The following TNFRSF8 variants were observed in gnomAD, a reference collection of about 807,000 sequenced individuals.
TNFRSF8 encodes tumor necrosis factor receptor superfamily member 8.
In TNFRSF8, 26 loss-of-function variants were observed where a neutral mutation model predicts 70.8. The ratio of observed to expected loss-of-function variants is 0.37; its 90% CI spans 0.27 to 0.51. TNFRSF8 has a LOEUF of 0.51. Ranked by LOEUF, TNFRSF8 falls within the 20% of genes least tolerant of loss-of-function variation. TNFRSF8 has a pLI of 0.94. For missense variants in TNFRSF8, 720 were observed against 807.9 expected (o/e 0.89, Z 1.32); for synonymous variants, 356 against 339.2 (o/e 1.05, Z -0.54).
At chr1:12,135,368 CT>C (rs1642126620) in intron 12 of TNFRSF8, among the ~76,000 whole-genome samples, 1 of 151,618 alleles carries the variant, frequency 6.6e-6, no homozygotes, top group African/African-American at 2.4e-5. Flanking sequence ...AGGTGGTCCC[CT>C]GTCCTCCATC....
intron 14 of TNFRSF8, among the ~76,000 whole-genome samples, chr1:12,139,427 G>A (rs1310266903): frequency 6.6e-6 from 1 of 152,106 alleles, no homozygotes; most frequent in Non-Finnish European, 1.5e-5. Context: ...TGGATATCCT[G>A]GGGACCCTGC....
chr1:12,126,340 G>A (rs11569916), intron 12 of TNFRSF8, 104 bp downstream of exon 12: 17 of 1,339,930 alleles, frequency 1.3e-5, no homozygotes, highest in African/African-American at 4.3e-5. Flanking sequence ...CCCCAGCCTC[G>A]AAGCTCCCTG....
chr1:12,142,196 C>G lies in TNFRSF8; in HGVS notation c.1544-91C>G, dbSNP rs981242844. 1.4e-6 allele frequency: 2 copies of G among 1,461,360 alleles called. No homozygotes were observed. The highest frequency in any genetic ancestry group is 1.8e-6 in the Non-Finnish European group (2 of 1,100,514). 90.5% of individuals were successfully genotyped at this position (1,461,360 alleles called of 1,614,324 possible). A position where few individuals can be genotyped will look rare whatever the true frequency, so the allele number is the denominator to read the frequency against. The stretch of plus-strand genomic sequence containing the variant: ...GCCTGAAGCCACCCGGCAGGTGTAC[C>G]AGCACTGGGCCTCGGCCCTTCTCTG... On this transcript the variant is annotated intron_variant, in intron 14 of 14. Transcript: ENST00000263932. This position sits in a 1 kb window ranked among gnomAD's most constrained non-coding sequence, Gnocchi z 5.0.
At chr1:12,140,380 A>G (rs192844154) in intron 14 of TNFRSF8, among the ~76,000 whole-genome samples, 50 of 152,298 alleles carry the variant, frequency 3.3e-4, no homozygotes, top group Middle Eastern at 3.4e-3. Flanking sequence ...GGGTCTGTAC[A>G]TCGTCCCTCT....
intron 1 of TNFRSF8, among the ~76,000 whole-genome samples, chr1:12,081,451 C>T (rs1202357129): frequency 6.6e-6 from 1 of 152,088 alleles, no homozygotes; most frequent in Non-Finnish European, 1.5e-5. Context: ...TGGCAGGTTC[C>T]TGCCCCCCTG....
rs771281321 is a variant in TNFRSF8 at position 12,138,442 on chromosome 1, T to C, written c.1543+6T>C. On this transcript the variant is annotated splice_donor_region_variant and intron_variant, in intron 14 of 14. Transcript: ENST00000263932. This position sits in a 1 kb window ranked among gnomAD's most constrained non-coding sequence, Gnocchi z 5.7. ...GCACACCAATAACAAGATTGGTGAG[T>C]CAGCCTGTTTTGGGAGGTCCCCTGC... 98 of 1,606,982 alleles carry C rather than the reference T, an allele frequency of 6.1e-5. No homozygotes were observed. The highest frequency in any genetic ancestry group is 1.0e-4 in the Admixed American group (6 of 59,610).
intron 1 of TNFRSF8, among the ~76,000 whole-genome samples, chr1:12,081,160 AG>A (rs1425383072): frequency 3.9e-5 from 6 of 152,136 alleles, no homozygotes; most frequent in African/African-American, 1.4e-4. Flanking sequence ...CCATTGACCC[AG>A]GTGTGATGGC....
At chr1:12,071,237 G>C (rs1025465007) in intron 1 of TNFRSF8, among the ~76,000 whole-genome samples, 1 of 152,150 alleles carries the variant, frequency 6.6e-6, no homozygotes, top group African/African-American at 2.4e-5. Context: ...CCAGGAGTTT[G>C]AGACCAGCCT....
At position 12,088,232 on chromosome 1, in the gene TNFRSF8, G is replaced by A. The variant is rs377645495; in HGVS notation, c.151+3681G>A. Among the ~76,000 whole-genome samples, 9 of 152,162 alleles carry A rather than the reference G, an allele frequency of 5.9e-5. No homozygotes were observed. The highest frequency in any genetic ancestry group is 1.9e-4 in the African/African-American group (8 of 41,424). On this transcript the variant is annotated intron_variant, in intron 2 of 14. Coordinates refer to ENST00000263932, the MANE Select transcript of TNFRSF8 (RefSeq NM_001243.5). The surrounding 1 kb of genome is among the most constrained non-coding windows in gnomAD (Gnocchi z 4.0). ...AGCCCTTTGCTTACATACTCTTGGT[G>A]ACGGGGAGCTCATTCACTGACTCAT...
chr1:12,086,312 G>A (rs1641151928), intron 2 of TNFRSF8, among the ~76,000 whole-genome samples: 1 of 152,232 alleles, frequency 6.6e-6, no homozygotes, highest in Admixed American at 6.5e-5. Context: ...ATGATTCAAA[G>A]TATTCATTGT....
At chr1:12,136,870 C>CTTTTTTTTTTTTTTTTTTTTT (rs201470263) in intron 13 of TNFRSF8, among the ~76,000 whole-genome samples, 1 of 118,692 alleles carries the variant, frequency 8.4e-6, no homozygotes, top group Non-Finnish European at 1.8e-5. Context: ...ATACTCAGTT[C>CTTTTTTTTTTTTTTTTTTTTT]TTTTTTTTTT....
chr1:12,135,377 A>C (rs1570084161), intron 12 of TNFRSF8, among the ~76,000 whole-genome samples: 1 of 149,672 alleles, frequency 6.7e-6, no homozygotes, highest in African/African-American at 2.5e-5. Context: ...CCTGTCCTCC[A>C]TCTGCCACTG....
Position 12,090,263 on chromosome 1 carries a change from A to G in TNFRSF8, c.151+5712A>G, listed in dbSNP as rs565187067. 2.1e-5 allele frequency among the ~76,000 whole-genome samples: 3 copies of G among 144,736 alleles called. No individual in the cohort carries two copies. In the East Asian group the frequency reaches 6.4e-4, roughly 31 times the overall value. 95.0% of individuals were successfully genotyped at this position (144,736 alleles called of 152,430 possible). ...CATCCATCTATCTACCCATCCAACC[A>G]TCTACCCACTCATCCACTCTTCCCT... On this transcript the variant is annotated intron_variant, in intron 2 of 14. Coordinates refer to ENST00000263932, the MANE Select transcript of TNFRSF8 (RefSeq NM_001243.5).
intron 1 of TNFRSF8, among the ~76,000 whole-genome samples, chr1:12,066,354 A>T (rs529125360): frequency 5.7e-5 from 8 of 140,866 alleles, no homozygotes; most frequent in Non-Finnish European, 7.7e-5. Context: ...TGAGTTTAAA[A>T]TTTTTTTTTT....
chr1:12,104,405 G>T lies in TNFRSF8; in HGVS notation c.295G>T (p.Ala99Ser), dbSNP rs751557937. 6.2e-7 allele frequency: 1 copy of T among 1,614,058 alleles called. No individual in the cohort carries two copies. The highest frequency in any genetic ancestry group is 1.1e-5 in the South Asian group (1 of 91,066). ...RDDLVEKTPC[A>S]WNSSRVCECR... ...CGACCTCGTGGAGAAGACGCCGTGT[G>T]CATGGAACTCCTCCCGTGTCTGCGA... Residue 99 changes from alanine (A) to serine (S), a missense_variant, in exon 4 of 15, where the codon GCA becomes TCA. Transcript: ENST00000263932.
At chr1:12,078,564 T>TA (rs2100958089) in intron 1 of TNFRSF8, among the ~76,000 whole-genome samples, 2 of 151,936 alleles carry the variant, frequency 1.3e-5, no homozygotes, top group South Asian at 4.2e-4. Context: ...TACTCTGTCT[T>TA]AAAAAACAAA....
intron 8 of TNFRSF8, among the ~76,000 whole-genome samples, chr1:12,117,128 G>A (rs577380469): frequency 1.3e-5 from 2 of 152,034 alleles, no homozygotes; most frequent in Non-Finnish European, 2.9e-5. Flanking sequence ...TCTTGCCCAG[G>A]CCGATGTGCA....
chr1:12,064,153 G>A lies in TNFRSF8; in HGVS notation c.63+492G>A, dbSNP rs11569789. ...TCAAGGAAAGGAGGGAGAGTTGGCTGTGGGTGAGAGTGGGGTGAGGGTGCA... is the reference window on the plus strand; with the variant it reads ...TCAAGGAAAGGAGGGAGAGTTGGCTATGGGTGAGAGTGGGGTGAGGGTGCA... On this transcript the variant is annotated intron_variant, in intron 1 of 14. Transcript: ENST00000263932. Among the ~76,000 whole-genome samples the A allele has an allele frequency of 1.8e-4, 28 of 152,302 alleles. 1 individual carries two copies. In the Middle Eastern group the frequency reaches 0.017, roughly 93 times the overall value.
At chr1:12,090,040 T>TCC in intron 2 of TNFRSF8, among the ~76,000 whole-genome samples, 1 of 113,728 alleles carries the variant, frequency 8.8e-6, no homozygotes. Context: ...CCCATCCATC[T>TCC]ATCTACCCAT....
Sources: allele counts gnomAD v4.1 joint callset (sites outside exome capture counted in the v4.1 genomes callset), GRCh38; gene constraint gnomAD v4.1.1; non-coding constraint Gnocchi (gnomAD v3.1); transcripts MANE v1.5; gene names NCBI Gene and HGNC (gene_info 2026-07-23, HGNC 2026-07-21).